PHACTR1: variants seen among roughly 807,000 people sequenced by gnomAD.
PHACTR1 encodes the protein phosphatase and actin regulator 1, also known as RPEL repeat containing 1.
A neutral mutation model predicts 69.2 loss-of-function variants in PHACTR1; 16 were observed. The ratio of observed to expected loss-of-function variants is 0.23; its 90% CI spans 0.16 to 0.35. PHACTR1 has a LOEUF of 0.35. Ranked by LOEUF, PHACTR1 falls within the 10% of genes least tolerant of loss-of-function variation. PHACTR1 has a pLI of 1.00. For synonymous variants in PHACTR1, 312 were observed against 284.5 expected, an observed-to-expected ratio of 1.10 and a Z score of -0.97; for missense variants, 510 against 734.7, an observed-to-expected ratio of 0.69 and a Z score of 3.54.
intron 4 of PHACTR1, among the ~76,000 whole-genome samples, chr6:12,769,634 G>A (rs916778452): frequency 3.9e-5 from 6 of 152,338 alleles, no homozygotes; most frequent in African/African-American, 4.8e-5. Context: ...TAGAACGGTC[G>A]TGGGTACATA....
At chr6:12,823,972 C>T (rs890142541) in intron 4 of PHACTR1, among the ~76,000 whole-genome samples, 128 of 152,132 alleles carry the variant, frequency 8.4e-4, no homozygotes, top group African/African-American at 2.9e-3. Context: ...CCCCAACCCC[C>T]GGGCCAGGGA....
chr6:12,980,838 T>A (rs1315610013), intron 4 of PHACTR1, among the ~76,000 whole-genome samples: 1 of 152,228 alleles, frequency 6.6e-6, no homozygotes, highest in African/African-American at 2.4e-5. Flanking sequence ...TATTTTCATT[T>A]TTCAGAAATC....
At chr6:13,038,064 T>C (rs1467031042) in intron 4 of PHACTR1, among the ~76,000 whole-genome samples, 3 of 152,220 alleles carry the variant, frequency 2.0e-5, no homozygotes, top group Non-Finnish European at 2.9e-5. Flanking sequence ...TATGAAATGT[T>C]ATTTGGAGAT....
chr6:12,924,654 A>G (rs572775015), intron 4 of PHACTR1, among the ~76,000 whole-genome samples: 16 of 151,958 alleles, frequency 1.1e-4, no homozygotes, highest in Non-Finnish European at 2.2e-4. Context: ...AGGCACCTGT[A>G]GTCCCAGCTA....
At chr6:12,862,522 C>T (rs1003750012) in intron 4 of PHACTR1, among the ~76,000 whole-genome samples, 6 of 152,126 alleles carry the variant, frequency 3.9e-5, no homozygotes, top group African/African-American at 1.4e-4. Context: ...CTGTTTAGGG[C>T]CACATCCCCC....
At chr6:13,159,277 A>G (rs1331302830) in intron 5 of PHACTR1, among the ~76,000 whole-genome samples, 1 of 152,198 alleles carries the variant, frequency 6.6e-6, no homozygotes, top group Non-Finnish European at 1.5e-5. Context: ...CTAAGAGAAG[A>G]AGGCAGTGGA....
At chr6:12,744,671 T>G (rs1323235129) in intron 3 of PHACTR1, among the ~76,000 whole-genome samples, 1 of 152,084 alleles carries the variant, frequency 6.6e-6, no homozygotes, top group Non-Finnish European at 1.5e-5. Context: ...TTAAAGCAAG[T>G]TTATTAAGAA....
chr6:13,138,829 C>CA (rs2113311513), intron 5 of PHACTR1, among the ~76,000 whole-genome samples: 1 of 152,256 alleles, frequency 6.6e-6, no homozygotes, highest in East Asian at 1.9e-4. Context: ...CCTTATATAC[C>CA]AAAAAGCATT....
Position 13,182,603 on chromosome 6 carries a change from T to G in PHACTR1, c.581T>G (p.Leu194Arg), listed in dbSNP as rs1469777656. 6.2e-7 allele frequency: 1 copy of G among 1,612,494 alleles called. No individual in the cohort carries two copies. Among genetic ancestry groups the G allele is most frequent in the Non-Finnish European group, 8.5e-7 (1 of 1,179,358 alleles). ...LSSSQLSLPA[L>R]SEMEPVPMPR... is the part of the protein sequence containing the mutation. The stretch of plus-strand genomic sequence containing the variant: ...TCCAGCCAGCTGTCTCTGCCTGCCC[T>G]GTCCGAAATGGAGCCAGTCCCAATG... Residue 194 changes from leucine to arginine, a missense_variant, in exon 7 of 15, where the codon CTG becomes CGG. Around this residue, in one of 2 missense-constraint regions of PHACTR1, gnomAD observed 419 missense variants for 530.9 expected, o/e 0.79. Coordinates refer to ENST00000332995, the MANE Select transcript of PHACTR1 (RefSeq NM_030948.6).
At chr6:12,754,058 G>T (rs1406809705) in intron 4 of PHACTR1, among the ~76,000 whole-genome samples, 5 of 148,960 alleles carry the variant, frequency 3.4e-5, no homozygotes. Context: ...CGCTTCCCAG[G>T]TTCATGCCAT....
intron 4 of PHACTR1, among the ~76,000 whole-genome samples, chr6:12,790,413 G>A (rs1365975169): frequency 6.6e-6 from 1 of 152,164 alleles, no homozygotes; most frequent in African/African-American, 2.4e-5. Context: ...CAGGTATCAT[G>A]TAACTCACTC....
At chr6:12,784,815 A>G (rs1338502256) in intron 4 of PHACTR1, among the ~76,000 whole-genome samples, 1 of 151,974 alleles carries the variant, frequency 6.6e-6, no homozygotes, top group East Asian at 1.9e-4. Flanking sequence ...CCCGGATTCA[A>G]GTGATTCTCC....
At chr6:12,866,666 A>G (rs80170178) in intron 4 of PHACTR1, among the ~76,000 whole-genome samples, 57 of 152,282 alleles carry the variant, frequency 3.7e-4, no homozygotes, top group Non-Finnish European at 6.6e-4. Context: ...TATATTCACA[A>G]TGGTTAAGGA....
chr6:12,983,025 CCA>C (rs1215534669), intron 4 of PHACTR1, among the ~76,000 whole-genome samples: 2 of 152,198 alleles, frequency 1.3e-5, no homozygotes, highest in African/African-American at 4.8e-5. Context: ...CTCCTGCATA[CCA>C]CAGTCATTTA....
At chr6:12,903,468 A>G (rs1024136525) in intron 4 of PHACTR1, among the ~76,000 whole-genome samples, 5 of 152,224 alleles carry the variant, frequency 3.3e-5, no homozygotes, top group African/African-American at 9.6e-5. Context: ...ACTTCCTTAC[A>G]AGGGCAACAG....
chr6:12,933,247 TC>T lies in PHACTR1; in HGVS notation c.251-120116del, dbSNP rs544413566. On this transcript the variant is annotated intron_variant, in intron 4 of 14. Transcript: ENST00000332995. ...CATGAGCCACTACACCTAGCCTTAT[TC>T]CAAATCTTGATGAAGTAATGGTTTC... Among the ~76,000 whole-genome samples the T allele has an allele frequency of 5.3e-5, 8 of 152,296 alleles. No homozygotes were observed. In the East Asian group the frequency reaches 9.6e-4, roughly 18 times the overall value.
At chr6:12,748,604 T>C (rs1766116073) in intron 3 of PHACTR1, among the ~76,000 whole-genome samples, 1 of 152,220 alleles carries the variant, frequency 6.6e-6, no homozygotes, top group East Asian at 1.9e-4. Flanking sequence ...TAGGTTCTTC[T>C]GCTGTGTTAC....
At chr6:12,991,434 A>G (rs533098267) in intron 4 of PHACTR1, among the ~76,000 whole-genome samples, 1 of 152,310 alleles carries the variant, frequency 6.6e-6, no homozygotes, top group East Asian at 1.9e-4. Flanking sequence ...CAGTGATTAC[A>G]ACAGGTCATT....
chr6:12,844,679 A>G (rs1779027129), intron 4 of PHACTR1, among the ~76,000 whole-genome samples: 1 of 152,124 alleles, frequency 6.6e-6, no homozygotes. Flanking sequence ...TACTAGATGG[A>G]ACATCCGCCT....
Sources: gnomAD v4.1 joint callset for allele counts (sites outside exome capture counted in the v4.1 genomes callset) on GRCh38, gnomAD v4.1.1 for gene constraint, gnomAD v4.1.1 regional missense constraint, MANE v1.5 for transcripts, NCBI Gene and HGNC (gene_info 2026-07-23, HGNC 2026-07-21) for gene names.